Variants in PGM2 observed in about 807,000 individuals in gnomAD.
The protein encoded by PGM2 is phosphopentomutase.
In PGM2, 57 loss-of-function variants were observed where a neutral mutation model predicts 74.6. That is an observed-to-expected ratio of 0.76 (90% CI 0.62 to 0.95). The LOEUF (loss-of-function observed/expected upper bound fraction) is 0.95. PGM2 is among the 40% of genes least tolerant of loss of function. The probability of loss-of-function intolerance (pLI) is 0.00; values close to 1 mark genes in which losing one functional copy is unlikely to be tolerated. For synonymous variants in PGM2, 273 were observed against 260.7 expected (o/e 1.05, Z -0.46); for missense variants, 706 against 741.9 (o/e 0.95, Z 0.56).
chr4:37,850,571 T>G (rs1277522667), intron 12 of PGM2, among the ~76,000 whole-genome samples, 198 bp downstream of exon 12: 1 of 151,854 alleles, frequency 6.6e-6, no homozygotes, highest in Non-Finnish European at 1.5e-5. Flanking sequence ...GAGGTTGAGG[T>G]GGGCAAATCA....
chr4:37,854,647 C>T (rs10003112), intron 12 of PGM2, among the ~76,000 whole-genome samples: 10,539 of 151,390 alleles, frequency 0.07, 674 homozygotes, highest in East Asian at 0.19. Context: ...CATGAGCCAC[C>T]GCGCCCAGCC....
At chr4:37,854,683 AC>A (rs748229170) in intron 12 of PGM2, among the ~76,000 whole-genome samples, 13 of 151,504 alleles carry the variant, frequency 8.6e-5, no homozygotes, top group Non-Finnish European at 1.5e-4. Context: ...AAAAAAAAAA[AC>A]AAAAAAAACT....
chr4:37,857,203 C>T (rs1012459718), intron 13 of PGM2, among the ~76,000 whole-genome samples: 2 of 152,108 alleles, frequency 1.3e-5, no homozygotes, highest in Non-Finnish European at 2.9e-5. Context: ...TTCTCAGTGG[C>T]GCTTGCCACA....
At chr4:37,837,109 C>T (rs1421385192) in intron 3 of PGM2, among the ~76,000 whole-genome samples, 1 of 152,130 alleles carries the variant, frequency 6.6e-6, no homozygotes, top group African/African-American at 2.4e-5. Flanking sequence ...TACTAGCTGC[C>T]AGTAGCAACT....
chr4:37,841,071 CGTAT>C (rs776867350), intron 6 of PGM2, among the ~76,000 whole-genome samples: 1 of 25,430 alleles, frequency 3.9e-5, no homozygotes, highest in Non-Finnish European at 7.5e-5. Context: ...CATATGCAAG[CGTAT>C]ATATATATAT....
intron 11 of PGM2, among the ~76,000 whole-genome samples, chr4:37,849,341 G>A (rs1389464238): frequency 2.0e-5 from 3 of 150,824 alleles, no homozygotes; most frequent in East Asian, 1.9e-4. Context: ...CTGGCTCTCT[G>A]TGCAAATGCA....
rs757501994 is a variant in PGM2 at position 37,855,618 on chromosome 4, C to T, written c.1613C>T (p.Thr538Ile). The T allele has an allele frequency of 6.2e-7, 1 of 1,613,636 alleles. No homozygotes were observed. The highest frequency in any genetic ancestry group is 8.5e-7 in the Non-Finnish European group (1 of 1,179,782). Residue 538 changes from threonine to isoleucine, a missense_variant, in exon 13 of 14, where the codon ACT (threonine) becomes ATT (isoleucine). Transcript: ENST00000381967. ...TGCATTAATTCCTAGGTTCTTCCCACTAGTAAAAGCAGCCAAATGATCACC... is the reference window on the plus strand; with the variant it reads ...TGCATTAATTCCTAGGTTCTTCCCATTAGTAAAAGCAGCCAAATGATCACC... Reference protein sequence around the residue: ...SQPDKKAVLPTSKSSQMITFT... With the variant: ...SQPDKKAVLPISKSSQMITFT...
chr4:37,850,479 C>CT (rs1290173868), intron 12 of PGM2, 106 bp downstream of exon 12: 26 of 661,586 alleles, frequency 3.9e-5, no homozygotes, highest in Non-Finnish European at 5.7e-5. Context: ...ATTTTAGGCA[C>CT]TTAGGCGTGA....
chr4:37,840,226 A>G lies in PGM2; in HGVS notation c.686A>G (p.Tyr229Cys). 4 of 1,611,388 alleles carry G rather than the reference A, an allele frequency of 2.5e-6. 1 individual carries two copies. In the East Asian group the frequency reaches 6.7e-5, roughly 27 times the overall value. The change falls in exon 6 of 14, where the codon TAC becomes TGC. Residue 229 changes from tyrosine (Y) to cysteine (C), a missense_variant. Around this residue, in one of 3 missense-constraint regions of PGM2, gnomAD observed 332 missense variants for 334.9 expected, o/e 0.99. Transcript: ENST00000381967. ...HNPSASINND[Y>C]FEDLKKYCFH... ...CCGAGTGCTTCCATCAATAATGACT[A>G]CTTTGAAGACCTTAAAAAGTACTGT...
At chr4:37,844,329 C>T (rs756852567) in intron 6 of PGM2, 35 bp from the exon 7 acceptor site, 1 of 1,431,356 alleles carries the variant, frequency 7.0e-7, no homozygotes, top group Admixed American at 2.0e-5. Context: ...CCTGTTTCTG[C>T]CTTGTATCAT....
chr4:37,860,249 T>G (rs1711721645), intron 13 of PGM2, among the ~76,000 whole-genome samples: 1 of 152,194 alleles, frequency 6.6e-6, no homozygotes, highest in African/African-American at 2.4e-5. Flanking sequence ...AGCACATTTA[T>G]GGAGAAGGAA....
Position 37,855,564 on chromosome 4 carries a change from A to G in PGM2, c.1603-44A>G, listed in dbSNP as rs1378648948. The G allele has an allele frequency of 1.9e-6, 3 of 1,565,766 alleles. No individual in the cohort carries two copies. In the Admixed American group the frequency reaches 5.4e-5, roughly 28 times the overall value. ...TGCAAGAGAAGATATTGGTTAGGCC[A>G]GAATGTTACTATTTAAATTTATAAT... On this transcript the variant is annotated intron_variant, in intron 12 of 13. Transcript: ENST00000381967.
intron 6 of PGM2, among the ~76,000 whole-genome samples, chr4:37,841,184 GTGTGGTTT>G (rs1192336377): frequency 3.8e-5 from 5 of 130,378 alleles, no homozygotes; most frequent in African/African-American, 1.4e-4. Flanking sequence ...GTGTGTGTGT[GTGTGGTTT>G]GTTCTGTGCA....
intron 12 of PGM2, among the ~76,000 whole-genome samples, chr4:37,854,025 C>T (rs1726120734): frequency 1.3e-5 from 2 of 152,138 alleles, no homozygotes; most frequent in Non-Finnish European, 2.9e-5. Flanking sequence ...TTGAGCTTGG[C>T]CAGGATTTTG....
chr4:37,848,518 G>A lies in PGM2; in HGVS notation c.1283-4G>A, dbSNP rs1487473568. ...AGATGTATGTATGACGTGTGTTTCT[G>A]CAGGATACATGTGCTGCCCTTTTGT... On this transcript the variant is annotated splice_polypyrimidine_tract_variant and splice_region_variant and intron_variant, in intron 10 of 13. Transcript: ENST00000381967. The A allele has an allele frequency of 6.2e-7, 1 of 1,611,684 alleles. No homozygotes were observed. Among genetic ancestry groups the A allele is most frequent in the Non-Finnish European group, 8.5e-7 (1 of 1,178,624 alleles).
At chr4:37,851,342 T>G (rs1726034077) in intron 12 of PGM2, among the ~76,000 whole-genome samples, 1 of 152,254 alleles carries the variant, frequency 6.6e-6, no homozygotes, top group African/African-American at 2.4e-5. Context: ...GAACCACTGT[T>G]TGTTTTCTAG....
rs1711788258 is a variant in PGM2, at chr4:37,861,844, T to A, written c.*232T>A. 2.6e-6 allele frequency: 1 copy of A among 385,212 alleles called. No homozygotes were observed. 23.9% of individuals were successfully genotyped at this position (385,212 alleles called of 1,614,324 possible). A position where few individuals can be genotyped will look rare whatever the true frequency, so the allele number is the denominator to read the frequency against. Reference sequence around the variant, plus strand: ...AAGTTGAGCTTGGACATATTTTGAATTTTTGTAAGTGAAGATTTTTAAACT... The same window carrying A: ...AAGTTGAGCTTGGACATATTTTGAAATTTTGTAAGTGAAGATTTTTAAACT... On this transcript the variant is annotated 3_prime_UTR_variant, in exon 14 of 14. Coordinates refer to ENST00000381967, the MANE Select transcript of PGM2 (RefSeq NM_018290.4).
In PGM2 at chr4:37,847,049, T is replaced by A; in HGVS notation, c.1126T>A (p.Ser376Thr). 6.2e-7 allele frequency: 1 copy of A among 1,613,848 alleles called. No homozygotes were observed. Among genetic ancestry groups the A allele is most frequent in the Non-Finnish European group, 8.5e-7 (1 of 1,179,716 alleles). ...RSALKDTYMLSSTVSSKILRA... is the reference protein window; with the variant it reads ...RSALKDTYMLTSTVSSKILRA... ...TGCTCTCAAAGACACGTACATGTTG[T>A]CCAGCACCGTCTCCTCCAAAATCTT... is the stretch of plus-strand genomic sequence containing the variant. Residue 376 changes from serine (S) to threonine (T), a missense_variant, in exon 9 of 14, where the codon TCC becomes ACC. Transcript: ENST00000381967.
chr4:37,837,598 G>C lies in PGM2; in HGVS notation c.426G>C (p.Thr142=). ...GIPVYLFSDI[T]PTPFVPFTVS... is the part of the protein sequence containing the mutation. ...CTGTGTACCTCTTTTCTGATATAAC[G>C]CCAACCCCCTTTGTGGTAAGTAGCC... Residue 142 remains threonine (T), a synonymous_variant, in exon 4 of 14, where the codon ACG becomes ACC. Transcript: ENST00000381967. 6.2e-7 allele frequency: 1 copy of C among 1,608,444 alleles called. No individual in the cohort carries two copies. Among genetic ancestry groups the C allele is most frequent in the Non-Finnish European group, 8.5e-7 (1 of 1,174,916 alleles).
Sources: gnomAD v4.1 joint callset for allele counts (sites outside exome capture counted in the v4.1 genomes callset) on GRCh38, gnomAD v4.1.1 for gene constraint, gnomAD v4.1.1 regional missense constraint, MANE v1.5 for transcripts, NCBI Gene and HGNC (gene_info 2026-07-23, HGNC 2026-07-21) for gene names.